GPR39: variants seen among roughly 807,000 people sequenced by gnomAD.
The protein encoded by GPR39 is zinc sensing receptor.
GPR39 carries 23 observed loss-of-function variants against 18.4 expected under a neutral mutation model. That is an observed-to-expected ratio of 1.25 (90% CI 0.90 to 1.77). The LOEUF (loss-of-function observed/expected upper bound fraction) is 1.77. Among genes scored for constraint, GPR39 ranks in the 40% most tolerant of loss-of-function variants. The probability of loss-of-function intolerance (pLI) is 0.00; values close to 1 mark genes in which losing one functional copy is unlikely to be tolerated. For synonymous variants in GPR39, 280 were observed against 257.9 expected (o/e 1.09, Z -0.82); for missense variants, 647 against 602.4 (o/e 1.07, Z -0.78).
rs551012670 is a variant in GPR39, at chr2:132,641,063, G to T, written c.857-4038G>T. On this transcript the variant is annotated intron_variant, in intron 1 of 1. Coordinates refer to ENST00000329321, the MANE Select transcript of GPR39 (RefSeq NM_001508.3). Reference sequence around the variant, plus strand: ...TCTTTCAAAACACAGGAAGAAAAGCGCCAGCCATTTTCCCCACCTCCAGTT... The same window carrying T: ...TCTTTCAAAACACAGGAAGAAAAGCTCCAGCCATTTTCCCCACCTCCAGTT... 5.3e-5 allele frequency among the ~76,000 whole-genome samples: 8 copies of T among 152,250 alleles called. No homozygotes were observed. The South Asian group carries it at 1.7e-3, about 32-fold the overall frequency.
intron 1 of GPR39, among the ~76,000 whole-genome samples, chr2:132,533,956 C>T (rs1679692831): frequency 6.6e-6 from 1 of 152,110 alleles, no homozygotes; most frequent in African/African-American, 2.4e-5. Context: ...TCTAAAACAC[C>T]AAAAGCAATG....
At position 132,622,325 on chromosome 2, in the gene GPR39, C is replaced by T. The variant is rs182756807; in HGVS notation, c.857-22776C>T. ...ACGAGAATTTCTTGAAACTGGGAGGCGGAGGTTGCAGTGAGCTGAGATCGC... is the reference window on the plus strand; with the variant it reads ...ACGAGAATTTCTTGAAACTGGGAGGTGGAGGTTGCAGTGAGCTGAGATCGC... On this transcript the variant is annotated intron_variant, in intron 1 of 1. Coordinates refer to ENST00000329321, the MANE Select transcript of GPR39 (RefSeq NM_001508.3). Among the ~76,000 whole-genome samples, 664 of 152,186 alleles carry T rather than the reference C, an allele frequency of 4.4e-3. 3 individuals are homozygous for T. The highest frequency in any genetic ancestry group is 0.013 in the African/African-American group (545 of 41,524).
chr2:132,541,462 A>G (rs1679860359), intron 1 of GPR39, among the ~76,000 whole-genome samples: 1 of 152,200 alleles, frequency 6.6e-6, no homozygotes. Flanking sequence ...CATATCCTGA[A>G]TTGACAGGGC....
At chr2:132,440,158 G>A (rs534087275) in intron 1 of GPR39, among the ~76,000 whole-genome samples, 3 of 152,246 alleles carry the variant, frequency 2.0e-5, no homozygotes, top group South Asian at 4.1e-4. Flanking sequence ...GGTAGGTCAC[G>A]GACCCTAGCC....
chr2:132,501,766 G>A (rs1005410340), intron 1 of GPR39, among the ~76,000 whole-genome samples: 15 of 152,220 alleles, frequency 9.9e-5, no homozygotes, highest in Admixed American at 6.5e-4. Context: ...CCAGTGTTAG[G>A]TGCATATGTA....
chr2:132,643,500 G>C (rs1013958690), intron 1 of GPR39, among the ~76,000 whole-genome samples: 1 of 152,152 alleles, frequency 6.6e-6, no homozygotes, highest in Non-Finnish European at 1.5e-5. Context: ...GAATGTGGCT[G>C]TTTTTTCCTG....
At chr2:132,536,009 C>CA (rs56929155) in intron 1 of GPR39, among the ~76,000 whole-genome samples, 4,443 of 140,098 alleles carry the variant, frequency 0.032, 215 homozygotes, top group African/African-American at 0.1. Flanking sequence ...TTAATTTTTT[C>CA]AAAAAAAAAA....
At chr2:132,632,940 C>T (rs1681677280) in intron 1 of GPR39, among the ~76,000 whole-genome samples, 1 of 152,062 alleles carries the variant, frequency 6.6e-6, no homozygotes, top group South Asian at 2.1e-4. Context: ...GATATAGGTC[C>T]ATGGTCACAC....
chr2:132,441,219 G>T (rs1680432271), intron 1 of GPR39, among the ~76,000 whole-genome samples: 1 of 152,136 alleles, frequency 6.6e-6, no homozygotes, highest in Admixed American at 6.5e-5. Context: ...CAGGAAATGA[G>T]ATGCATATAC....
At chr2:132,566,278 T>G (rs887352750) in intron 1 of GPR39, among the ~76,000 whole-genome samples, 20 of 146,888 alleles carry the variant, frequency 1.4e-4, no homozygotes, top group African/African-American at 5.1e-4. Flanking sequence ...TTTGTTTGAG[T>G]TCATTGTAGA....
intron 1 of GPR39, among the ~76,000 whole-genome samples, chr2:132,644,510 T>C (rs1325475710): frequency 1.3e-5 from 2 of 152,262 alleles, no homozygotes; most frequent in Non-Finnish European, 2.9e-5. Context: ...GCATACCTAG[T>C]ATGTATATGT....
chr2:132,537,178 T>C (rs1030527726), intron 1 of GPR39, among the ~76,000 whole-genome samples: 2 of 152,190 alleles, frequency 1.3e-5, no homozygotes, highest in Admixed American at 1.3e-4. Context: ...GGTCTTTATA[T>C]TGTGGTATGT....
chr2:132,469,881 T>A (rs1331579679), intron 1 of GPR39, among the ~76,000 whole-genome samples: 2 of 152,202 alleles, frequency 1.3e-5, no homozygotes, highest in Non-Finnish European at 2.9e-5. Context: ...TGCCCGAAGT[T>A]CTGTGCATGA....
In GPR39 at chr2:132,417,824, C is replaced by G. The variant is rs72999238; in HGVS notation, c.782C>G (p.Thr261Arg). The G allele has an allele frequency of 1.9e-4, 313 of 1,613,696 alleles. 1 individual carries two copies. In the African/African-American group the frequency reaches 3.8e-3, roughly 20 times the overall value. ...CAGAAGGGCTCGCTGGCCGGGGGCA[C>G]GCGGCCTCCGCAGCTGAGGAAGTCC... ...KSQKGSLAGGTRPPQLRKSES... is the reference protein window; with the variant it reads ...KSQKGSLAGGRRPPQLRKSES... Residue 261 changes from threonine (T) to arginine (R), a missense_variant, in exon 1 of 2, where the codon ACG becomes AGG. Thr to Arg is a moderately conservative substitution (Grantham distance 71). This residue lies in a region of GPR39 where 581 missense variants were observed against 506.8 expected (regional missense o/e 1.15). Coordinates refer to ENST00000329321, the MANE Select transcript of GPR39 (RefSeq NM_001508.3).
chr2:132,461,296 G>A (rs893999079), intron 1 of GPR39, among the ~76,000 whole-genome samples: 1 of 152,128 alleles, frequency 6.6e-6, no homozygotes, highest in Non-Finnish European at 1.5e-5. Flanking sequence ...TCACAGAGCT[G>A]GCTTTTTCTC....
rs1187127644 is a variant in GPR39, at chr2:132,416,834, C to T, written c.-209C>T. The T allele has an allele frequency of 7.9e-6, 5 of 630,984 alleles. No homozygotes were observed. The highest frequency in any genetic ancestry group is 5.5e-5 in the African/African-American group (3 of 54,402). The allele number at this position is 630,984 out of a possible 1,614,324, so 39.1% of individuals were successfully genotyped here. A position where few individuals can be genotyped will look rare whatever the true frequency, so the allele number is the denominator to read the frequency against. ...ACACTCCCAAACCTCAACACCCAGG[C>T]GCCTCCTGGGCCTCTCCTAGGTTGG... is the stretch of plus-strand genomic sequence containing the variant. On this transcript the variant is annotated 5_prime_UTR_variant, in exon 1 of 2. Transcript: ENST00000329321.
intron 1 of GPR39, among the ~76,000 whole-genome samples, chr2:132,559,539 C>T (rs747962780): frequency 9.2e-5 from 14 of 152,012 alleles, no homozygotes; most frequent in African/African-American, 2.2e-4. Flanking sequence ...AAAGCAACAG[C>T]GTGGCGCCCT....
intron 1 of GPR39, among the ~76,000 whole-genome samples, chr2:132,423,260 T>C (rs1680049066): frequency 6.6e-6 from 1 of 152,094 alleles, no homozygotes; most frequent in African/African-American, 2.4e-5. Context: ...AATAGCTGTC[T>C]TCTCATTGTG....
intron 1 of GPR39, chr2:132,488,694 C>G (rs1457824984): frequency 6.6e-6 from 1 of 152,524 alleles, no homozygotes; most frequent in African/African-American, 2.4e-5. Flanking sequence ...TCTGCTGACC[C>G]TGGGTTCATT....
Sources: allele counts gnomAD v4.1 joint callset (sites outside exome capture counted in the v4.1 genomes callset), GRCh38; gene constraint gnomAD v4.1.1; regional missense constraint gnomAD v4.1.1; transcripts MANE v1.5; gene names NCBI Gene and HGNC (gene_info 2026-07-23, HGNC 2026-07-21).